FARP1: variants seen among roughly 807,000 people sequenced by gnomAD.
FARP1 encodes the protein FERM, ARHGEF and pleckstrin domain-containing protein 1.
A neutral mutation model predicts 128.8 loss-of-function variants in FARP1; 52 were observed. That is an observed-to-expected ratio of 0.40 (90% confidence interval 0.32 to 0.51). The LOEUF is 0.51. FARP1 is among the 20% of genes least tolerant of loss of function. The pLI, the probability that FARP1 is intolerant of heterozygous loss-of-function variation, is 0.45. For missense variants in FARP1, 1,333 were observed against 1,367.9 expected, an observed-to-expected ratio of 0.97 and a Z score of 0.40; for synonymous variants, 580 against 551.8, an observed-to-expected ratio of 1.05 and a Z score of -0.72.
In FARP1 at chr13:98,424,605, C is replaced by T. The variant is rs1428809080; in HGVS notation, c.1860C>T (p.Tyr620=). 1 of 1,613,928 alleles carries T rather than the reference C, an allele frequency of 6.2e-7. No homozygotes were observed. The highest frequency in any genetic ancestry group is 1.7e-5 in the Admixed American group (1 of 60,018). Residue 620 remains tyrosine (Y), a synonymous_variant, in exon 17 of 27, where the codon TAC becomes TAT. Transcript: ENST00000319562. Reference sequence around the variant, plus strand: ...GCTCAAATGCCCAAATCAGAGATTACCAAAGAATCGGCGATGTCATGCTGA... The same window carrying T: ...GCTCAAATGCCCAAATCAGAGATTATCAAAGAATCGGCGATGTCATGCTGA... ...EGRSNAQIRD[Y]QRIGDVMLKN...
intron 1 of FARP1, among the ~76,000 whole-genome samples, chr13:98,150,436 T>C (rs1875914608): frequency 6.6e-6 from 1 of 152,260 alleles, no homozygotes; most frequent in Non-Finnish European, 1.5e-5. Flanking sequence ...CTTATAGTTG[T>C]AGGAGTTCTT....
At chr13:98,331,303 T>A (rs1391045727) in intron 2 of FARP1, among the ~76,000 whole-genome samples, 1 of 152,234 alleles carries the variant, frequency 6.6e-6, no homozygotes, top group African/African-American at 2.4e-5. Context: ...TCGTATTTTG[T>A]CCTACTCTAG....
At chr13:98,376,426 C>T (rs1594461805) in intron 5 of FARP1, among the ~76,000 whole-genome samples, 1 of 152,176 alleles carries the variant, frequency 6.6e-6, no homozygotes, top group South Asian at 2.1e-4. Context: ...CCTCCAGTTC[C>T]AATCATGCTG....
At chr13:98,299,280 G>T (rs1885825787) in intron 2 of FARP1, among the ~76,000 whole-genome samples, 1 of 152,056 alleles carries the variant, frequency 6.6e-6, no homozygotes, top group African/African-American at 2.4e-5. Flanking sequence ...ATTGACCTTT[G>T]CTAGAAACAA....
chr13:98,154,237 C>G (rs1594206487), intron 1 of FARP1, among the ~76,000 whole-genome samples: 1 of 152,210 alleles, frequency 6.6e-6, no homozygotes, highest in African/African-American at 2.4e-5. Flanking sequence ...GCTATAAACT[C>G]TCACATACAG....
chr13:98,186,152 G>T (rs995049179), intron 1 of FARP1, among the ~76,000 whole-genome samples: 1 of 151,968 alleles, frequency 6.6e-6, no homozygotes, highest in Non-Finnish European at 1.5e-5. Flanking sequence ...GCCCAGGCTG[G>T]CTGGAGTGCA....
At chr13:98,188,167 G>A (rs1290479622) in intron 1 of FARP1, among the ~76,000 whole-genome samples, 1 of 152,094 alleles carries the variant, frequency 6.6e-6, no homozygotes, top group Non-Finnish European at 1.5e-5. Context: ...AACACCCCTC[G>A]CATTTCGGCA....
chr13:98,224,420 G>A (rs535310093), intron 2 of FARP1, among the ~76,000 whole-genome samples: 9 of 151,300 alleles, frequency 5.9e-5, no homozygotes, highest in South Asian at 2.1e-4. Context: ...CCAGCTACTC[G>A]GGAGGCTGAG....
chr13:98,315,411 A>T (rs1475195835), intron 2 of FARP1, among the ~76,000 whole-genome samples: 1 of 152,172 alleles, frequency 6.6e-6, no homozygotes, highest in Non-Finnish European at 1.5e-5. Context: ...GACAAGGATG[A>T]AGTGTTTTAT....
At chr13:98,198,431 C>G (rs1879716680) in intron 1 of FARP1, among the ~76,000 whole-genome samples, 1 of 152,152 alleles carries the variant, frequency 6.6e-6, no homozygotes, top group Non-Finnish European at 1.5e-5. Flanking sequence ...CATGAGCTAG[C>G]AAGCTACAAA....
At chr13:98,381,302 G>C (rs1359450009) in intron 6 of FARP1, among the ~76,000 whole-genome samples, 2 of 152,096 alleles carry the variant, frequency 1.3e-5, no homozygotes, top group Non-Finnish European at 2.9e-5. Context: ...AGGTATAAGG[G>C]GTCAAGTCAT....
intron 2 of FARP1, among the ~76,000 whole-genome samples, chr13:98,306,521 C>CTTT (rs145068057): frequency 5.0e-4 from 75 of 148,634 alleles, no homozygotes; most frequent in African/African-American, 1.7e-3. Flanking sequence ...TTCTTTCTTT[C>CTTT]TTTTTTGTTT....
chr13:98,314,011 A>G (rs921859083), intron 2 of FARP1, among the ~76,000 whole-genome samples: 7 of 152,210 alleles, frequency 4.6e-5, no homozygotes, highest in Admixed American at 6.5e-5. Context: ...AGGCTGCCCA[A>G]GCTACAGGTC....
At chr13:98,424,455 C>T in intron 16 of FARP1, 117 bp from the exon 17 acceptor site, 1 of 712,374 alleles carries the variant, frequency 1.4e-6, no homozygotes, top group Non-Finnish European at 2.6e-6. Context: ...ATAAGAAGTT[C>T]AGGAGATGTC....
intron 13 of FARP1, chr13:98,400,791 A>G (rs1407174395): frequency 2.6e-5 from 4 of 152,258 alleles, no homozygotes; most frequent in African/African-American, 9.6e-5. Flanking sequence ...GCCTTCCTCT[A>G]GTGTGATGGT....
chr13:98,356,206 C>A (rs1388040360), intron 3 of FARP1, among the ~76,000 whole-genome samples: 1 of 152,114 alleles, frequency 6.6e-6, no homozygotes, highest in Non-Finnish European at 1.5e-5. Flanking sequence ...GTTGATTTTT[C>A]TACAGTCATG....
intron 1 of FARP1, among the ~76,000 whole-genome samples, chr13:98,190,315 A>G (rs987011860): frequency 6.6e-6 from 1 of 152,222 alleles, no homozygotes; most frequent in Non-Finnish European, 1.5e-5. Context: ...CACCAGGGTA[A>G]ATGGTAAAAC....
Position 98,412,001 on chromosome 13 carries a change from T to A in FARP1, c.1793T>A (p.Phe598Tyr), listed in dbSNP as rs1891211181. 10 of 1,614,162 alleles carry A rather than the reference T, an allele frequency of 6.2e-6. No individual in the cohort carries two copies. Among genetic ancestry groups the A allele is most frequent in the Non-Finnish European group, 8.5e-6 (10 of 1,179,990 alleles). ...FEPLHKFHTN[F>Y]LKEIEQRLAL... ...CCTTTGCACAAATTTCATACTAATT[T>A]TCTCAAGGAAATTGAGCAACGACTT... The change falls in exon 16 of 27, where the codon TTT becomes TAT. Residue 598 changes from phenylalanine to tyrosine, a missense_variant. Phe to Tyr is a conservative substitution (Grantham distance 22). Transcript: ENST00000319562.
Position 98,232,144 on chromosome 13 carries a change from G to GTTTTTTTTTTTTTT in FARP1, c.171+18731_171+18732insTTTTTTTTTTTTTT, listed in dbSNP as rs1555329634. Among the ~76,000 whole-genome samples, 546 of 111,490 alleles carry GTTTTTTTTTTTTTT rather than the reference G, an allele frequency of 4.9e-3. 19 individuals carry two copies. Among genetic ancestry groups the GTTTTTTTTTTTTTT allele is most frequent in the Non-Finnish European group, 6.0e-3 (357 of 59,126 alleles). 73.1% of individuals were successfully genotyped at this position (111,490 alleles called of 152,430 possible). ...CGTGCCCGGCTTTTTTTGTTTGGTT[G>GTTTTTTTTTTTTTT]GTTTTTTTTTTTTTTTTTTTTTGCT... On this transcript the variant is annotated intron_variant, in intron 2 of 26. Transcript: ENST00000319562.
Sources: gnomAD v4.1 joint callset for allele counts (sites outside exome capture counted in the v4.1 genomes callset) on GRCh38, gnomAD v4.1.1 for gene constraint, MANE v1.5 for transcripts, NCBI Gene and HGNC (gene_info 2026-07-23, HGNC 2026-07-21) for gene names.